Variants in PCNA observed in about 807,000 individuals in gnomAD.
PCNA encodes the protein proliferating cell nuclear antigen.
PCNA carries 4 observed loss-of-function variants against 27.8 expected under a neutral mutation model. The ratio of observed to expected loss-of-function variants is 0.14; its 90% CI spans 0.07 to 0.33. PCNA has a LOEUF of 0.33. Ranked by LOEUF, PCNA falls within the 10% of genes least tolerant of loss-of-function variation. The pLI, the probability that PCNA is intolerant of heterozygous loss-of-function variation, is 1.00. For missense variants in PCNA, 165 were observed against 327.4 expected (o/e 0.50, Z 3.83); for synonymous variants, 121 against 119.4 (o/e 1.01, Z -0.09).
In PCNA at chr20:5,118,594, A is replaced by C; in HGVS notation, c.387+16T>G. ...CCTGTGTACAGCACTCTCTACAATG[A>C]GAAACTGATACTCACTGGAATTCCA... On this transcript the variant is annotated intron_variant, in intron 3 of 5. Transcript: ENST00000379143. 6.4e-7 allele frequency: 1 copy of C among 1,561,734 alleles called. No individual in the cohort carries two copies. The highest frequency in any genetic ancestry group is 8.8e-7 in the Non-Finnish European group (1 of 1,133,844).
At chr20:5,118,517 C>A in intron 3 of PCNA, 93 bp downstream of exon 3, 1 of 939,714 alleles carries the variant, frequency 1.1e-6, no homozygotes, top group Non-Finnish European at 1.6e-6. Flanking sequence ...GGCAACAGAG[C>A]CAAGACCCTG....
At chr20:5,115,621 C>G (rs1206099480) in intron 4 of PCNA, 49 bp from the exon 5 acceptor site, 1 of 1,483,854 alleles carries the variant, frequency 6.7e-7, no homozygotes, top group Non-Finnish European at 9.4e-7. Flanking sequence ...AAGTTGCAAT[C>G]TATTAGCTCA....
At position 5,115,210 on chromosome 20, in the gene PCNA, C is replaced by T; in HGVS notation, c.*73G>A. 1 of 1,132,960 alleles carries T rather than the reference C, an allele frequency of 8.8e-7. No homozygotes were observed. Among genetic ancestry groups the T allele is most frequent in the South Asian group, 1.3e-5 (1 of 77,182 alleles). 70.2% of individuals were successfully genotyped at this position (1,132,960 alleles called of 1,614,324 possible). On this transcript the variant is annotated 3_prime_UTR_variant, in exon 6 of 6. Transcript: ENST00000379143. ...GGTACAAATTTGGTGACAGAAAAGA[C>T]TTCAGTATATGCTGGCATCTTAGAA...
chr20:5,123,247 G>A (rs573507485), upstream of PCNA, among the ~76,000 whole-genome samples: 1 of 152,310 alleles, frequency 6.6e-6, no homozygotes, highest in South Asian at 2.1e-4. Context: ...AAGTGCAAGG[G>A]AATGTGGTCA....
In PCNA at chr20:5,119,802, G is replaced by T. The variant is rs1178955228; in HGVS notation, c.-4C>A. ...GGACCAGGCGCGCCTCGAACATGGT[G>T]GCGGAGTGGCAACAACGCCGCTACA... On this transcript the variant is annotated 5_prime_UTR_variant, in exon 1 of 6. Coordinates refer to ENST00000379143, the MANE Select transcript of PCNA (RefSeq NM_182649.2). 13 of 1,558,978 alleles carry T rather than the reference G, an allele frequency of 8.3e-6. No individual in the cohort carries two copies. Among genetic ancestry groups the T allele is most frequent in the Non-Finnish European group, 1.1e-5 (13 of 1,151,420 alleles).
chr20:5,116,214 C>T (rs1399160319), intron 4 of PCNA, among the ~76,000 whole-genome samples: 1 of 152,114 alleles, frequency 6.6e-6, no homozygotes, highest in Non-Finnish European at 1.5e-5. Flanking sequence ...CCTGTAGTCC[C>T]GGCTACTTGG....
chr20:5,120,011 C>G, upstream of PCNA: 1 of 579,364 alleles, frequency 1.7e-6, no homozygotes, highest in South Asian at 2.0e-5. Flanking sequence ...TGCGACGTCA[C>G]CACGCTGTCC....
At chr20:5,126,045 C>T (rs2090545780) in intron 1 of PCNA, among the ~76,000 whole-genome samples, 1 of 152,260 alleles carries the variant, frequency 6.6e-6, no homozygotes, top group South Asian at 2.1e-4. Flanking sequence ...ACCAGCCTGA[C>T]CAATATGGTG....
At chr20:5,117,379 A>G (rs2090482423) in intron 4 of PCNA, 91 bp downstream of exon 4, 1 of 878,914 alleles carries the variant, frequency 1.1e-6, no homozygotes, top group South Asian at 1.7e-5. Context: ...TTGGGATCCA[A>G]TTCTGTCTAC....
At position 5,117,488 on chromosome 20, in the gene PCNA, G is replaced by A. The variant is rs562539941; in HGVS notation, c.564C>T (p.Val188=). Residue 188 remains valine (V), a synonymous_variant, in exon 4 of 6, where the codon GTC becomes GTT. Transcript: ENST00000379143. ...TACTTACAGCTTCCTCCTCTTTATC[G>A]ACATTACTTGTCTGTGACAATTTAA... The part of the protein sequence containing the change: ...GNIKLSQTSN[V]DKEEEAVTIE... 24 of 1,609,768 alleles carry A rather than the reference G, an allele frequency of 1.5e-5. No homozygotes were observed. Among genetic ancestry groups the A allele is most frequent in the Admixed American group, 1.7e-5 (1 of 59,494 alleles).
At chr20:5,120,548 T>C (rs1277424692), upstream of PCNA, among the ~76,000 whole-genome samples, 1 of 97,504 alleles carries the variant, frequency 1.0e-5, no homozygotes, top group African/African-American at 7.1e-5. Context: ...TCGAATACAC[T>C]TTTTTTTTTT....
At chr20:5,123,130 C>T (rs562684262), upstream of PCNA, among the ~76,000 whole-genome samples, 1 of 152,146 alleles carries the variant, frequency 6.6e-6, no homozygotes, top group Non-Finnish European at 1.5e-5. Flanking sequence ...TATATTCAGA[C>T]AAGTTTGATG....
Position 5,117,615 on chromosome 20 carries a change from C to T in PCNA, c.437G>A (p.Arg146His). 3 of 1,613,752 alleles carry T rather than the reference C, an allele frequency of 1.9e-6. No individual in the cohort carries two copies. Among genetic ancestry groups the T allele is most frequent in the Non-Finnish European group, 2.5e-6 (3 of 1,179,798 alleles). The change falls in exon 4 of 6, where the codon CGT (arginine) becomes CAT (histidine). Residue 146 changes from arginine (R) to histidine (H), a missense_variant. By Grantham distance (29) the Arg-to-His change is conservative. Transcript: ENST00000379143. ...VVKMPSGEFA[R>H]ICRDLSHIGD... ...AATATGGCTGAGATCTCGGCATATA[C>T]GTGCAAATTCACCAGAAGGCATCTT...
chr20:5,118,580 C>G, intron 3 of PCNA, 30 bp downstream of exon 3: 1 of 1,426,724 alleles, frequency 7.0e-7, no homozygotes, highest in Admixed American at 1.7e-5. Context: ...CTGTGTACAG[C>G]ACTCTCTACA....
rs2090495565 is a variant in PCNA at position 5,118,939 on chromosome 20, A to C, written c.222-73T>G. The C allele has an allele frequency of 4.0e-6, 4 of 989,790 alleles. No individual in the cohort carries two copies. In the East Asian group the frequency reaches 7.2e-5, roughly 18 times the overall value. The allele number at this position is 989,790 out of a possible 1,614,324, so 61.3% of individuals were successfully genotyped here. ...GGGCTGTATTTCGAACGCGGTTAGA[A>C]GGGGTTACCACTCTCACCCATCAGG... On this transcript the variant is annotated intron_variant, in intron 1 of 5. Coordinates refer to ENST00000379143, the MANE Select transcript of PCNA (RefSeq NM_182649.2).
At chr20:5,120,490 ATCAC>A (rs1207992074), upstream of PCNA, among the ~76,000 whole-genome samples, 1 of 152,200 alleles carries the variant, frequency 6.6e-6, no homozygotes, top group South Asian at 2.1e-4. Flanking sequence ...AGCTCTTATA[ATCAC>A]TCAATCGTTC....
chr20:5,120,060 T>C (rs1443678735), upstream of PCNA: 15 of 491,284 alleles, frequency 3.1e-5, no homozygotes, highest in Non-Finnish European at 1.5e-5. Context: ...GGGCCAATCG[T>C]GTCCATGCTC....
chr20:5,115,687 T>C lies in PCNA; in HGVS notation c.583-115A>G, dbSNP rs370179736. On this transcript the variant is annotated intron_variant, in intron 4 of 5. Transcript: ENST00000379143. ...GTATTGGTCACTTTGGAGGGAGCTA[T>C]GAAAATTTTGAAGACTGATACATAA... The C allele has an allele frequency of 1.1e-3, 843 of 779,424 alleles. 12 individuals are homozygous for C. The South Asian group carries it at 0.014, about 13-fold the overall frequency. 48.3% of individuals were successfully genotyped at this position (779,424 alleles called of 1,614,324 possible). A position where few individuals can be genotyped will look rare whatever the true frequency, so the allele number is the denominator to read the frequency against.
At chr20:5,117,428 A>G (rs751335194) in intron 4 of PCNA, 42 bp downstream of exon 4, 1 of 1,376,588 alleles carries the variant, frequency 7.3e-7, no homozygotes, top group East Asian at 2.3e-5. Context: ...CAGTATTATA[A>G]TTCTCTTCAA....
Sources: allele counts gnomAD v4.1 joint callset (sites outside exome capture counted in the v4.1 genomes callset), GRCh38; gene constraint gnomAD v4.1.1; transcripts MANE v1.5; gene names NCBI Gene and HGNC (gene_info 2026-07-23, HGNC 2026-07-21).